Variants in SRRM4 observed in about 807,000 individuals in gnomAD.
The protein encoded by SRRM4 is serine/arginine repetitive matrix protein 4.
In SRRM4, 33 loss-of-function variants were observed where a neutral mutation model predicts 68.9. That is an observed-to-expected ratio of 0.48 (90% confidence interval 0.36 to 0.64). The LOEUF (loss-of-function observed/expected upper bound fraction) is 0.64. Among genes scored for constraint, SRRM4 ranks in the 30% least tolerant of loss-of-function variants. SRRM4 has a pLI of 0.00. For synonymous variants in SRRM4, 318 were observed against 318.8 expected, an observed-to-expected ratio of 1.00 and a Z score of 0.03; for missense variants, 817 against 827.1, an observed-to-expected ratio of 0.99 and a Z score of 0.15.
At chr12:119,044,866 A>G (rs1278165486) in intron 1 of SRRM4, among the ~76,000 whole-genome samples, 1 of 152,196 alleles carries the variant, frequency 6.6e-6, no homozygotes, top group Non-Finnish European at 1.5e-5. Flanking sequence ...CAATGGGGGC[A>G]TAGTGGGTAT....
rs2136070610 is a variant in SRRM4, at chr12:119,154,843, CTATATG to C, written c.1532+463_1532+468del. ...ACTCAGCTGTCAGGCTTAAATAAAC[CTATATG>C]TAATTATACCTTGAACCAAGTGTGG... is the stretch of plus-strand genomic sequence containing the variant. On this transcript the variant is annotated intron_variant, in intron 12 of 12. Coordinates refer to ENST00000267260, the MANE Select transcript of SRRM4 (RefSeq NM_194286.4). The surrounding 1 kb of genome is among the most constrained non-coding windows in gnomAD (Gnocchi z 4.7). Among the ~76,000 whole-genome samples the C allele has an allele frequency of 6.6e-6, 1 of 152,304 alleles. No individual in the cohort carries two copies. Among genetic ancestry groups the C allele is most frequent in the South Asian group, 2.1e-4 (1 of 4,826 alleles).
intron 1 of SRRM4, among the ~76,000 whole-genome samples, chr12:119,076,617 G>C (rs1953917998): frequency 6.6e-6 from 1 of 152,226 alleles, no homozygotes; most frequent in South Asian, 2.1e-4. Flanking sequence ...TGAGGAGAAA[G>C]AAGTAAGGGC....
intron 1 of SRRM4, among the ~76,000 whole-genome samples, chr12:118,990,137 A>G (rs1375666630): frequency 2.6e-5 from 4 of 152,240 alleles, no homozygotes; most frequent in Admixed American, 2.6e-4. Flanking sequence ...ATGAGAAAAC[A>G]GAGGCTCTGA....
At chr12:119,090,055 A>G (rs7135298) in intron 1 of SRRM4, among the ~76,000 whole-genome samples, 12,220 of 152,122 alleles carry the variant, frequency 0.08, 543 homozygotes, top group African/African-American at 0.11. Context: ...AATACAATCC[A>G]GTTTCTCTGT....
intron 5 of SRRM4, among the ~76,000 whole-genome samples, chr12:119,120,655 C>T (rs2136051878): frequency 6.6e-6 from 1 of 152,344 alleles, no homozygotes; most frequent in African/African-American, 2.4e-5. Context: ...ACTGGACACA[C>T]TGGGTGAACA....
chr12:119,095,402 C>G (rs868579645), intron 1 of SRRM4, among the ~76,000 whole-genome samples: 56 of 152,094 alleles, frequency 3.7e-4, no homozygotes, highest in African/African-American at 1.3e-3. Context: ...CCTGGATGCA[C>G]GGGTAGAACA....
chr12:119,125,557 C>T (rs1592908393), intron 7 of SRRM4, 78 bp downstream of exon 7: 5 of 1,272,416 alleles, frequency 3.9e-6, no homozygotes, highest in East Asian at 2.5e-5. Context: ...CTAGCTTCGC[C>T]TCCACACTTC....
At chr12:119,054,139 T>C (rs1030197254) in intron 1 of SRRM4, among the ~76,000 whole-genome samples, 3 of 152,242 alleles carry the variant, frequency 2.0e-5, no homozygotes, top group Non-Finnish European at 4.4e-5. Context: ...AACATGCAGT[T>C]TGTCTTTCTG....
At chr12:119,044,429 C>T (rs897013865) in intron 1 of SRRM4, among the ~76,000 whole-genome samples, 1 of 152,082 alleles carries the variant, frequency 6.6e-6, no homozygotes, top group Non-Finnish European at 1.5e-5. Context: ...TAAAGCTAAT[C>T]CTCTTCCTTT....
intron 1 of SRRM4, among the ~76,000 whole-genome samples, chr12:119,018,845 GT>G (rs1388631985): frequency 1.3e-5 from 2 of 152,104 alleles, no homozygotes; most frequent in Admixed American, 1.3e-4. Flanking sequence ...TACCCCTACT[GT>G]CAAGTACCCT....
At chr12:119,100,023 C>T (rs1315327024) in intron 1 of SRRM4, among the ~76,000 whole-genome samples, 1 of 152,098 alleles carries the variant, frequency 6.6e-6, no homozygotes, top group Non-Finnish European at 1.5e-5. Context: ...ACAAGAGTGT[C>T]AAAGAATCTA....
chr12:119,118,717 C>T (rs1378175380), intron 4 of SRRM4, among the ~76,000 whole-genome samples: 1 of 152,158 alleles, frequency 6.6e-6, no homozygotes, highest in Non-Finnish European at 1.5e-5. Flanking sequence ...TTTGGGGGTT[C>T]GCTGGGGGAA....
intron 2 of SRRM4, among the ~76,000 whole-genome samples, chr12:119,107,971 T>C (rs1470817522): frequency 6.6e-6 from 1 of 152,258 alleles, no homozygotes; most frequent in Non-Finnish European, 1.5e-5. Context: ...AATTTCCCTC[T>C]ACACACTGCT....
At chr12:119,148,828 T>C (rs1195303822) in intron 9 of SRRM4, among the ~76,000 whole-genome samples, 1 of 152,240 alleles carries the variant, frequency 6.6e-6, no homozygotes, top group Non-Finnish European at 1.5e-5. Context: ...GTTGAGTCCA[T>C]GACTGTTTAT....
In SRRM4 at chr12:119,161,641, A is replaced by G. The variant is rs1039739775; in HGVS notation, c.*4843A>G. 8.5e-5 allele frequency: 13 copies of G among 152,604 alleles called. No individual in the cohort carries two copies. Among genetic ancestry groups the G allele is most frequent in the African/African-American group, 3.1e-4 (13 of 41,456 alleles). The allele number at this position is 152,604 out of a possible 1,614,324, so 9.5% of individuals were successfully genotyped here. A position where few individuals can be genotyped will look rare whatever the true frequency, so the allele number is the denominator to read the frequency against. Reference sequence around the variant, plus strand: ...CTCTTTCCCTGAATTGCTATTGAGAATTGGTCCATCTCCCAGCTCCAGGTG... The same window carrying G: ...CTCTTTCCCTGAATTGCTATTGAGAGTTGGTCCATCTCCCAGCTCCAGGTG... On this transcript the variant is annotated 3_prime_UTR_variant, in exon 13 of 13. Transcript: ENST00000267260.
intron 3 of SRRM4, among the ~76,000 whole-genome samples, chr12:119,114,617 G>A (rs1352540786): frequency 2.0e-5 from 3 of 150,366 alleles, no homozygotes; most frequent in Non-Finnish European, 4.4e-5. Context: ...GGCTGTCACA[G>A]TACCTGGCAC....
In SRRM4 at chr12:119,117,023, C is replaced by G. The variant is rs1370581134; in HGVS notation, c.437+15C>G. 6.2e-7 allele frequency: 1 copy of G among 1,613,332 alleles called. No individual in the cohort carries two copies. The highest frequency in any genetic ancestry group is 1.7e-5 in the Admixed American group (1 of 60,014). The stretch of plus-strand genomic sequence containing the variant: ...AAGCGACGCAGGTATTGTCCTTTTT[C>G]TCTGCAAACAAGACCTCCCCAGGTG... On this transcript the variant is annotated intron_variant, in intron 4 of 12. Transcript: ENST00000267260.
At chr12:119,060,410 G>C (rs1049925511) in intron 1 of SRRM4, among the ~76,000 whole-genome samples, 1 of 147,956 alleles carries the variant, frequency 6.8e-6, no homozygotes, top group Non-Finnish European at 1.5e-5. Flanking sequence ...CCATGTGAGC[G>C]CTCCCACACA....
intron 2 of SRRM4, among the ~76,000 whole-genome samples, chr12:119,111,383 A>T (rs1426176645): frequency 6.6e-6 from 1 of 152,160 alleles, no homozygotes; most frequent in Non-Finnish European, 1.5e-5. Flanking sequence ...CCCATCTCAC[A>T]CACCTCAAAT....
Sources: gnomAD v4.1 joint callset for allele counts (sites outside exome capture counted in the v4.1 genomes callset) on GRCh38, gnomAD v4.1.1 for gene constraint, Gnocchi (gnomAD v3.1) non-coding constraint, MANE v1.5 for transcripts, NCBI Gene and HGNC (gene_info 2026-07-23, HGNC 2026-07-21) for gene names.